Variants in LANCL2 observed in about 807,000 individuals in gnomAD.
The protein encoded by LANCL2 is LanC like glutathione S-transferase 2.
LANCL2 carries 33 observed loss-of-function variants against 56.9 expected under a neutral mutation model. That is an observed-to-expected ratio of 0.58 (90% CI 0.44 to 0.78). LANCL2 has a LOEUF of 0.78. Ranked by LOEUF, LANCL2 falls within the 30% of genes least tolerant of loss-of-function variation. The pLI, the probability that LANCL2 is intolerant of heterozygous loss-of-function variation, is 0.00. For missense variants in LANCL2, 562 were observed against 580.2 expected, an observed-to-expected ratio of 0.97 and a Z score of 0.32; for synonymous variants, 233 against 228.2, an observed-to-expected ratio of 1.02 and a Z score of -0.19.
At chr7:55,389,540 G>A (rs1790162021) in intron 1 of LANCL2, among the ~76,000 whole-genome samples, 1 of 152,218 alleles carries the variant, frequency 6.6e-6, no homozygotes, top group African/African-American at 2.4e-5. Context: ...GGGCGAGCAG[G>A]TAAAGAGGGT....
chr7:55,423,227 G>A (rs959603866), intron 6 of LANCL2, among the ~76,000 whole-genome samples: 1 of 152,246 alleles, frequency 6.6e-6, no homozygotes, highest in African/African-American at 2.4e-5. Flanking sequence ...ATGAGTGTAT[G>A]TGGTGGCAGG....
intron 5 of LANCL2, 33 bp downstream of exon 5, chr7:55,401,353 A>G (rs1180959974): frequency 1.3e-6 from 2 of 1,564,868 alleles, no homozygotes; most frequent in African/African-American, 1.4e-5. Context: ...ACTACAGTAT[A>G]TTTGATCAAA....
chr7:55,375,852 G>T (rs1037070920), intron 1 of LANCL2, among the ~76,000 whole-genome samples: 4 of 152,126 alleles, frequency 2.6e-5, no homozygotes, highest in Admixed American at 1.3e-4. Flanking sequence ...TTCCCTGCTG[G>T]CTGGCCTTAG....
chr7:55,420,927 A>G (rs1392122745), intron 6 of LANCL2, among the ~76,000 whole-genome samples: 2 of 152,202 alleles, frequency 1.3e-5, no homozygotes, highest in African/African-American at 4.8e-5. Context: ...GCTCTGTTCT[A>G]ATACATGTTT....
chr7:55,398,309 T>C (rs6973684), intron 2 of LANCL2, 114 bp from the exon 3 acceptor site: 230,731 of 754,008 alleles, frequency 0.31, 37,640 homozygotes, highest in Non-Finnish European at 0.35. Flanking sequence ...GTGTTACCCG[T>C]TTGGAAACAT....
intron 5 of LANCL2, 104 bp downstream of exon 5, chr7:55,401,424 T>A: frequency 1.0e-6 from 1 of 955,842 alleles, no homozygotes; most frequent in East Asian, 2.7e-5. Flanking sequence ...ATACCCTACT[T>A]TGAATCGCTG....
At chr7:55,404,054 A>G (rs1429401274) in intron 5 of LANCL2, among the ~76,000 whole-genome samples, 1 of 152,158 alleles carries the variant, frequency 6.6e-6, no homozygotes, top group Non-Finnish European at 1.5e-5. Context: ...TGCTGTGGTT[A>G]TGATCTTGTC....
At chr7:55,424,490 C>T (rs1263375531) in intron 6 of LANCL2, among the ~76,000 whole-genome samples, 2 of 152,084 alleles carry the variant, frequency 1.3e-5, no homozygotes, top group Non-Finnish European at 2.9e-5. Flanking sequence ...CTAACAGGGC[C>T]TCACTCTCTC....
chr7:55,366,200 C>G lies in LANCL2; in HGVS notation c.175C>G (p.Pro59Ala), dbSNP rs776142784. Residue 59 changes from proline (P) to alanine (A), a missense_variant, in exon 1 of 9, where the codon CCC (proline) becomes GCC (alanine). Pro to Ala is a conservative substitution (Grantham distance 27, BLOSUM62 -1). Around this residue, in one of 2 missense-constraint regions of LANCL2, gnomAD observed 184 missense variants for 111.8 expected, o/e 1.65. Coordinates refer to ENST00000254770, the MANE Select transcript of LANCL2 (RefSeq NM_018697.4). ...CVRPPATTDE[P>A]GLPFHQDGKI... Reference sequence around the variant, plus strand: ...TCGTCCCCCGGCGACCACGGATGAGCCCGGCCTCCCTTTTCATCAGGACGG... The same window carrying G: ...TCGTCCCCCGGCGACCACGGATGAGGCCGGCCTCCCTTTTCATCAGGACGG... The G allele has an allele frequency of 6.5e-7, 1 of 1,541,926 alleles. No homozygotes were observed. Among genetic ancestry groups the G allele is most frequent in the Non-Finnish European group, 8.8e-7 (1 of 1,140,722 alleles).
At chr7:55,429,496 G>A (rs911141016) in intron 8 of LANCL2, among the ~76,000 whole-genome samples, 11 of 152,168 alleles carry the variant, frequency 7.2e-5, no homozygotes, top group African/African-American at 1.7e-4. Flanking sequence ...TGTCTGCATC[G>A]TCTGTAGTGG....
At chr7:55,397,608 A>G (rs907988148) in intron 2 of LANCL2, among the ~76,000 whole-genome samples, 17 of 151,142 alleles carry the variant, frequency 1.1e-4, no homozygotes, top group Admixed American at 2.6e-4. Context: ...ATCTCTGTCA[A>G]TGTTGGTTCC....
intron 4 of LANCL2, 74 bp from the exon 5 acceptor site, chr7:55,401,100 T>C (rs1790317224): frequency 2.3e-6 from 3 of 1,296,650 alleles, no homozygotes; most frequent in Non-Finnish European, 3.3e-6. Context: ...CATATATATA[T>C]GACATACTGT....
At position 55,428,361 on chromosome 7, in the gene LANCL2, C is replaced by A; in HGVS notation, c.1186-14C>A. On this transcript the variant is annotated splice_polypyrimidine_tract_variant and intron_variant, in intron 7 of 8. Transcript: ENST00000254770. ...AGAAACTCCAGTCTTAAAAAGAAATCCCTTTCTTTTCAGTTTGCAGAGTGG... is the reference window on the plus strand; with the variant it reads ...AGAAACTCCAGTCTTAAAAAGAAATACCTTTCTTTTCAGTTTGCAGAGTGG... 1.9e-6 allele frequency: 3 copies of A among 1,608,368 alleles called. No individual in the cohort carries two copies. Among genetic ancestry groups the A allele is most frequent in the Non-Finnish European group, 2.6e-6 (3 of 1,174,752 alleles).
intron 1 of LANCL2, among the ~76,000 whole-genome samples, chr7:55,368,885 C>G (rs1031366733): frequency 2.6e-4 from 39 of 152,176 alleles, no homozygotes; most frequent in Non-Finnish European, 7.4e-5. Context: ...TGGCTCATGC[C>G]TGTAATACCA....
At chr7:55,374,314 T>A (rs183598665) in intron 1 of LANCL2, among the ~76,000 whole-genome samples, 57 of 152,348 alleles carry the variant, frequency 3.7e-4, no homozygotes, top group African/African-American at 1.3e-3. Flanking sequence ...ATATGTAATC[T>A]AGAATATTTT....
chr7:55,423,250 A>G (rs1414895720), intron 6 of LANCL2, among the ~76,000 whole-genome samples: 1 of 152,180 alleles, frequency 6.6e-6, no homozygotes, highest in Non-Finnish European at 1.5e-5. Flanking sequence ...TGGGCATGGT[A>G]GGCTGCTGGT....
intron 4 of LANCL2, 93 bp from the exon 5 acceptor site, chr7:55,401,081 T>C: frequency 9.9e-7 from 1 of 1,012,318 alleles, no homozygotes; most frequent in South Asian, 1.8e-5. Flanking sequence ...CCTCTCTCTC[T>C]ATATATGTCA....
In LANCL2 at chr7:55,371,021, T is replaced by C. The variant is rs564155915; in HGVS notation, c.204+4792T>C. Among the ~76,000 whole-genome samples the C allele has an allele frequency of 3.3e-5, 5 of 152,366 alleles. No homozygotes were observed. The East Asian group carries it at 9.6e-4, about 29-fold the overall frequency. ...AATGTCACATAATTACCCATTGTTT[T>C]TTCTGTGGCCAGAGCTGCTGAAATC... On this transcript the variant is annotated intron_variant, in intron 1 of 8. Transcript: ENST00000254770.
At chr7:55,382,316 A>C (rs1449784386) in intron 1 of LANCL2, among the ~76,000 whole-genome samples, 1 of 152,192 alleles carries the variant, frequency 6.6e-6, no homozygotes, top group East Asian at 1.9e-4. Context: ...AAAGAGTCTC[A>C]TGGATATTTT....
Sources: gnomAD v4.1 joint callset for allele counts (sites outside exome capture counted in the v4.1 genomes callset) on GRCh38, gnomAD v4.1.1 for gene constraint, gnomAD v4.1.1 regional missense constraint, MANE v1.5 for transcripts, NCBI Gene and HGNC (gene_info 2026-07-23, HGNC 2026-07-21) for gene names.